Variants in CHN2 observed in about 807,000 individuals in gnomAD.
CHN2 encodes beta-chimaerin.
A neutral mutation model predicts 56.3 loss-of-function variants in CHN2; 35 were observed. That is an observed-to-expected ratio of 0.62 (90% CI 0.47 to 0.82). CHN2 has a LOEUF of 0.82. Ranked by LOEUF, CHN2 falls within the 40% of genes least tolerant of loss-of-function variation. CHN2 has a pLI of 0.00. For missense variants in CHN2, 491 were observed against 580.5 expected (o/e 0.85, Z 1.58); for synonymous variants, 210 against 212.8 (o/e 0.99, Z 0.12).
intron 6 of CHN2, among the ~76,000 whole-genome samples, chr7:29,407,911 G>A (rs1246472389): frequency 6.6e-6 from 1 of 152,146 alleles, no homozygotes; most frequent in African/African-American, 2.4e-5. Context: ...CCCATGGCCG[G>A]GCTTGGTGGC....
At chr7:29,481,275 T>A (rs934565926) in intron 7 of CHN2, among the ~76,000 whole-genome samples, 5 of 152,296 alleles carry the variant, frequency 3.3e-5, no homozygotes, top group African/African-American at 1.2e-4. Flanking sequence ...AAAATGTGAA[T>A]TGCTTTCTTT....
At chr7:29,273,343 G>GTATATATATATATA (rs55722880) in intron 1 of CHN2, among the ~76,000 whole-genome samples, 4 of 58,212 alleles carry the variant, frequency 6.9e-5, no homozygotes, top group Admixed American at 2.0e-4. Context: ...ATATATATGT[G>GTATATATATATATA]TATATATATA....
At chr7:29,216,097 C>T (rs1265816807) in intron 1 of CHN2, among the ~76,000 whole-genome samples, 1 of 152,014 alleles carries the variant, frequency 6.6e-6, no homozygotes, top group African/African-American at 2.4e-5. Context: ...TTTTAGTATA[C>T]ATTTTAGTTG....
intron 1 of CHN2, among the ~76,000 whole-genome samples, chr7:29,314,469 T>C (rs1319823655): frequency 6.6e-6 from 1 of 152,336 alleles, no homozygotes; most frequent in Middle Eastern, 3.4e-3. Flanking sequence ...CTCACAACCA[T>C]GTCAATGTAC....
intron 7 of CHN2, among the ~76,000 whole-genome samples, chr7:29,483,524 G>A (rs2128548748): frequency 6.6e-6 from 1 of 152,296 alleles, no homozygotes; most frequent in East Asian, 1.9e-4. Flanking sequence ...AGGGTTACTT[G>A]TACCTACTAG....
In CHN2 at chr7:29,480,313, A is replaced by G. The variant is rs3750103; in HGVS notation, c.611A>G (p.His204Arg). ...CTGGTTCGAAGGGCTGCCCTCACAC[A>G]CAACGACAACCACTTCAATTATGAG... Reference protein sequence around the residue: ...SSLVRRAALTHNDNHFNYEKT... With the variant: ...SSLVRRAALTRNDNHFNYEKT... Residue 204 changes from histidine to arginine, a missense_variant, in exon 7 of 13, where the codon CAC (histidine) becomes CGC (arginine). Physicochemically the swap from His to Arg is conservative, Grantham distance 29. Coordinates refer to ENST00000222792, the MANE Select transcript of CHN2 (RefSeq NM_004067.4). The G allele has an allele frequency of 0.064, 103,946 of 1,614,042 alleles. 4,602 individuals carry two copies. Among genetic ancestry groups the G allele is most frequent in the East Asian group, 0.21 (9,287 of 44,872 alleles).
chr7:29,233,925 C>T lies in CHN2; in HGVS notation c.49+38935C>T, dbSNP rs993844070. The stretch of plus-strand genomic sequence containing the variant: ...CTCGGCTCACTGCAAGCTCCGCCTC[C>T]CGGGTTCACGCCATTCTCCTGCCTC... On this transcript the variant is annotated intron_variant, in intron 1 of 12. Transcript: ENST00000222792. 1.8e-4 allele frequency among the ~76,000 whole-genome samples: 26 copies of T among 144,042 alleles called. 1 individual carries two copies. Among genetic ancestry groups the T allele is most frequent in the Admixed American group, 4.3e-4 (6 of 13,810 alleles). 94.5% of individuals were successfully genotyped at this position (144,042 alleles called of 152,430 possible). A position where few individuals can be genotyped will look rare whatever the true frequency, so the allele number is the denominator to read the frequency against.
At chr7:29,298,251 G>A (rs1749278648) in intron 1 of CHN2, among the ~76,000 whole-genome samples, 1 of 152,182 alleles carries the variant, frequency 6.6e-6, no homozygotes, top group Non-Finnish European at 1.5e-5. Flanking sequence ...TCATCAGCAG[G>A]AATTAGCCAT....
intron 3 of CHN2, among the ~76,000 whole-genome samples, chr7:29,385,673 A>T (rs1800862528): frequency 6.6e-6 from 1 of 152,228 alleles, no homozygotes; most frequent in East Asian, 1.9e-4. Context: ...AGATTTCCTC[A>T]GACTTTGACA....
intron 2 of CHN2, among the ~76,000 whole-genome samples, chr7:29,177,409 A>G (rs1797497945): frequency 1.3e-5 from 2 of 151,892 alleles, no homozygotes; most frequent in South Asian, 4.2e-4. Flanking sequence ...GCACACCACA[A>G]TGCTGGGCTA....
intron 2 of CHN2, among the ~76,000 whole-genome samples, chr7:29,182,007 T>C (rs1381743389): frequency 6.6e-6 from 1 of 152,218 alleles, no homozygotes; most frequent in African/African-American, 2.4e-5. Flanking sequence ...ATAACATAAA[T>C]GCTGTAAATG....
At chr7:29,299,090 C>T (rs1368815123) in intron 1 of CHN2, among the ~76,000 whole-genome samples, 7 of 152,212 alleles carry the variant, frequency 4.6e-5, no homozygotes, top group African/African-American at 1.7e-4. Flanking sequence ...TAGCTGGCTT[C>T]CTGCCTCACA....
intron 6 of CHN2, among the ~76,000 whole-genome samples, chr7:29,405,665 T>C (rs1462433623): frequency 6.6e-6 from 1 of 152,260 alleles, no homozygotes; most frequent in African/African-American, 2.4e-5. Context: ...TTTTCTGGAC[T>C]GAAGGCCTTC....
chr7:29,300,459 C>T (rs1221889815), intron 1 of CHN2, among the ~76,000 whole-genome samples: 1 of 148,160 alleles, frequency 6.7e-6, no homozygotes, highest in Non-Finnish European at 1.5e-5. Flanking sequence ...TTGACACTGG[C>T]TTCTGAATGG....
chr7:29,484,517 C>T (rs1265760416), intron 7 of CHN2, among the ~76,000 whole-genome samples: 1 of 152,174 alleles, frequency 6.6e-6, no homozygotes, highest in Non-Finnish European at 1.5e-5. Context: ...GTCTTGTAGA[C>T]ACACCACTCC....
chr7:29,483,764 C>A (rs145857173), intron 7 of CHN2: 54 of 1,120,544 alleles, frequency 4.8e-5, no homozygotes, highest in Admixed American at 4.0e-4. Flanking sequence ...TCAGGCCAGC[C>A]AACCCCAGAG....
chr7:29,493,892 T>G (rs1285670342), intron 7 of CHN2, among the ~76,000 whole-genome samples: 1 of 152,176 alleles, frequency 6.6e-6, no homozygotes, highest in African/African-American at 2.4e-5. Context: ...CTATGTGAAG[T>G]CCTCCAAGAA....
intron 3 of CHN2, among the ~76,000 whole-genome samples, chr7:29,373,628 C>T (rs1310697128): frequency 1.3e-5 from 2 of 152,140 alleles, no homozygotes; most frequent in African/African-American, 2.4e-5. Context: ...ACTGATTTTA[C>T]TCTTTTCTAT....
chr7:29,173,933 CAGAG>C (rs1796932173), intron 2 of CHN2, among the ~76,000 whole-genome samples: 1 of 146,110 alleles, frequency 6.8e-6, no homozygotes, highest in African/African-American at 2.5e-5. Flanking sequence ...GCCTGGGTGA[CAGAG>C]GGAGACTGAC....
Sources: allele counts gnomAD v4.1 joint callset (sites outside exome capture counted in the v4.1 genomes callset), GRCh38; gene constraint gnomAD v4.1.1; transcripts MANE v1.5; gene names NCBI Gene and HGNC (gene_info 2026-07-23, HGNC 2026-07-21).